The following RUSC2 variants were observed in gnomAD, a reference collection of about 807,000 sequenced individuals.
RUSC2 encodes the protein AP-4 complex accessory subunit RUSC2.
In RUSC2, 34 loss-of-function variants were observed where a neutral mutation model predicts 122.2. That is an observed-to-expected ratio of 0.28 (90% CI 0.21 to 0.37). RUSC2 has a LOEUF of 0.37. RUSC2 is among the 10% of genes least tolerant of loss of function. RUSC2 has a pLI of 1.00. For missense variants in RUSC2, 1,747 were observed against 1,952.4 expected, an observed-to-expected ratio of 0.89 and a Z score of 1.98; for synonymous variants, 784 against 790.0, an observed-to-expected ratio of 0.99 and a Z score of 0.13.
Position 35,548,593 on chromosome 9 carries a change from C to T in RUSC2, c.2014+58C>T. 3.3e-6 allele frequency: 5 copies of T among 1,512,678 alleles called. No individual in the cohort carries two copies. In the South Asian group the frequency reaches 5.2e-5, roughly 16 times the overall value. 93.7% of individuals were successfully genotyped at this position (1,512,678 alleles called of 1,614,324 possible). ...TATTCACCAGCAGGATATGCATGGC[C>T]ACCTCCCTGACAGGTCCCTGCCAGA... On this transcript the variant is annotated intron_variant, in intron 2 of 11. Coordinates refer to ENST00000361226, the MANE Select transcript of RUSC2 (RefSeq NM_014806.5). The surrounding 1 kb of genome is among the most constrained non-coding windows in gnomAD (Gnocchi z 4.5).
chr9:35,532,518 G>A lies in RUSC2; in HGVS notation c.-92-13912G>A, dbSNP rs142732261. The stretch of plus-strand genomic sequence containing the variant: ...TCAGCACTTTGCAAGGCCGAGGTGG[G>A]CAGATCACTTGAGCTCAGGAGTTCA... On this transcript the variant is annotated intron_variant, in intron 1 of 11. Transcript: ENST00000361226. 2.3e-3 allele frequency among the ~76,000 whole-genome samples: 355 copies of A among 152,318 alleles called. 1 individual carries two copies. The highest frequency in any genetic ancestry group is 8.4e-3 in the African/African-American group (351 of 41,562).
Position 35,560,458 on chromosome 9 carries a change from A to G in RUSC2, c.3818A>G (p.Gln1273Arg). 1 of 1,614,210 alleles carries G rather than the reference A, an allele frequency of 6.2e-7. No homozygotes were observed. Among genetic ancestry groups the G allele is most frequent in the Non-Finnish European group, 8.5e-7 (1 of 1,180,014 alleles). Residue 1273 changes from glutamine (Q) to arginine (R), a missense_variant, in exon 10 of 12, where the codon CAG (glutamine) becomes CGG (arginine). Transcript: ENST00000361226. Reference protein sequence around the residue: ...ARGGQAGWWYQLMQSSQVYID... With the variant: ...ARGGQAGWWYRLMQSSQVYID... ...GGTGGGCAGGCCGGCTGGTGGTACC[A>G]GCTCATGCAGAGCTCCCAGGTCTAC... is the stretch of plus-strand genomic sequence containing the variant.
At chr9:35,534,404 C>A (rs1409078509) in intron 1 of RUSC2, among the ~76,000 whole-genome samples, 1 of 144,006 alleles carries the variant, frequency 6.9e-6, no homozygotes, top group East Asian at 2.0e-4. Context: ...GTGAGACCCC[C>A]ATCTCTACAA....
In RUSC2 at chr9:35,558,241, G is replaced by C. The variant is rs771689916; in HGVS notation, c.3105G>C (p.Leu1035=). The change falls in exon 7 of 12, where the codon CTG becomes CTC. Residue 1035 remains leucine (L), a synonymous_variant. Transcript: ENST00000361226. This position sits in a 1 kb window ranked among gnomAD's most constrained non-coding sequence, Gnocchi z 4.3. ...CTGTGAGCCCCAATGTGGGCCACCT[G>C]GTTCTGAAGTACTTGTGCCCTGCCG... ...NSSVSPNVGH[L]VLKYLCPAVR... The C allele has an allele frequency of 6.2e-7, 1 of 1,614,048 alleles. No homozygotes were observed. Among genetic ancestry groups the C allele is most frequent in the Non-Finnish European group, 8.5e-7 (1 of 1,180,016 alleles).
chr9:35,518,251 G>A (rs947775053), intron 1 of RUSC2, among the ~76,000 whole-genome samples: 4 of 152,150 alleles, frequency 2.6e-5, no homozygotes, highest in East Asian at 1.9e-4. Flanking sequence ...TTAACATGTC[G>A]TGTCACTGAT....
chr9:35,490,973 G>C (rs1820555785), intron 1 of RUSC2, among the ~76,000 whole-genome samples: 1 of 152,074 alleles, frequency 6.6e-6, no homozygotes, highest in African/African-American at 2.4e-5. Context: ...TTCACTACCA[G>C]TTGTCCTTTG....
At chr9:35,503,181 G>A (rs1820848911) in intron 1 of RUSC2, among the ~76,000 whole-genome samples, 1 of 151,976 alleles carries the variant, frequency 6.6e-6, no homozygotes, top group South Asian at 2.1e-4. Context: ...CTTTAGTGGT[G>A]ACTTCTGAGA....
chr9:35,561,752 C>T lies in RUSC2; in HGVS notation c.*370C>T. 1.8e-6 allele frequency: 1 copy of T among 549,802 alleles called. No homozygotes were observed. Among genetic ancestry groups the T allele is most frequent in the Non-Finnish European group, 3.2e-6 (1 of 312,108 alleles). 34.1% of individuals were successfully genotyped at this position (549,802 alleles called of 1,614,324 possible). On this transcript the variant is annotated 3_prime_UTR_variant, in exon 12 of 12. Transcript: ENST00000361226. ...ATGAGGATGGGTAACAGTATTGGGG[C>T]CAGATCCCTAAGCCCCCCAGCTGTA... is the stretch of plus-strand genomic sequence containing the variant.
intron 1 of RUSC2, among the ~76,000 whole-genome samples, chr9:35,516,352 T>C (rs1821107195): frequency 6.6e-6 from 1 of 152,130 alleles, no homozygotes; most frequent in African/African-American, 2.4e-5. Context: ...CTATTGATAG[T>C]TTCCTTGCTA....
At chr9:35,520,271 C>T (rs1324747594) in intron 1 of RUSC2, among the ~76,000 whole-genome samples, 1 of 152,144 alleles carries the variant, frequency 6.6e-6, no homozygotes, top group Non-Finnish European at 1.5e-5. Context: ...ACCATGACTC[C>T]TCTGTAGAGA....
intron 1 of RUSC2, among the ~76,000 whole-genome samples, chr9:35,497,111 C>T (rs777914652): frequency 6.6e-5 from 10 of 152,276 alleles, no homozygotes; most frequent in African/African-American, 2.4e-4. Context: ...CCTGTCCTTC[C>T]CCTTAGAGAG....
intron 1 of RUSC2, among the ~76,000 whole-genome samples, chr9:35,529,528 T>C (rs1017177427): frequency 6.7e-6 from 1 of 150,004 alleles, no homozygotes; most frequent in Non-Finnish European, 1.5e-5. Flanking sequence ...ATTGACATAC[T>C]AGATGTGACA....
chr9:35,507,047 G>A (rs1366601057), intron 1 of RUSC2, among the ~76,000 whole-genome samples: 1 of 152,052 alleles, frequency 6.6e-6, no homozygotes, highest in Admixed American at 6.6e-5. Flanking sequence ...AGCCTAGGAG[G>A]GTGAGGCTGC....
At chr9:35,532,997 G>C (rs1372644254) in intron 1 of RUSC2, among the ~76,000 whole-genome samples, 1 of 152,076 alleles carries the variant, frequency 6.6e-6, no homozygotes, top group African/African-American at 2.4e-5. Flanking sequence ...TGTAATCCTA[G>C]CACTTTGGGA....
Position 35,555,332 on chromosome 9 carries a change from A to T in RUSC2, c.2287A>T (p.Arg763Trp). ...TCCCCGAGCCACTGGCAGAGGTGCC[A>T]GGAAAGCTGGGTCTGAGCCAGAGAC... Reference protein sequence around the residue: ...STPRATGRGARKAGSEPETSR... With the variant: ...STPRATGRGAWKAGSEPETSR... The change falls in exon 3 of 12, where the codon AGG becomes TGG. Residue 763 changes from arginine to tryptophan, a missense_variant. Coordinates refer to ENST00000361226, the MANE Select transcript of RUSC2 (RefSeq NM_014806.5). The surrounding 1 kb of genome is among the most constrained non-coding windows in gnomAD (Gnocchi z 4.6). 1.2e-6 allele frequency: 2 copies of T among 1,614,208 alleles called. No homozygotes were observed. The highest frequency in any genetic ancestry group is 2.2e-5 in the South Asian group (2 of 91,084).
chr9:35,559,610 C>T (rs897311068), intron 9 of RUSC2, among the ~76,000 whole-genome samples: 3 of 152,202 alleles, frequency 2.0e-5, no homozygotes, highest in Non-Finnish European at 4.4e-5. Context: ...TGGCGCATGC[C>T]TGTAGTCCCA....
rs527405807 is a variant in RUSC2 at position 35,520,803 on chromosome 9, G to A, written c.-92-25627G>A. The stretch of plus-strand genomic sequence containing the variant: ...CTGGGGCTTTCAGCATCCACCCCTC[G>A]TACACTGTCTCTGGTCTTGGTGGCT... On this transcript the variant is annotated intron_variant, in intron 1 of 11. Coordinates refer to ENST00000361226, the MANE Select transcript of RUSC2 (RefSeq NM_014806.5). 4.6e-5 allele frequency among the ~76,000 whole-genome samples: 7 copies of A among 152,150 alleles called. No individual in the cohort carries two copies. In the South Asian group the frequency reaches 8.3e-4, roughly 18 times the overall value.
chr9:35,506,448 T>C (rs1385563988), intron 1 of RUSC2, among the ~76,000 whole-genome samples: 1 of 152,242 alleles, frequency 6.6e-6, no homozygotes, highest in Non-Finnish European at 1.5e-5. Flanking sequence ...CCACTATGCA[T>C]TTCTGGTGCC....
intron 1 of RUSC2, among the ~76,000 whole-genome samples, chr9:35,537,795 T>C (rs1396772774): frequency 6.6e-6 from 1 of 152,214 alleles, no homozygotes; most frequent in Non-Finnish European, 1.5e-5. Flanking sequence ...GGAGGAACCC[T>C]AGGCAGGGCT....
Sources: gnomAD v4.1 joint callset for allele counts (sites outside exome capture counted in the v4.1 genomes callset) on GRCh38, gnomAD v4.1.1 for gene constraint, Gnocchi (gnomAD v3.1) non-coding constraint, MANE v1.5 for transcripts, NCBI Gene and HGNC (gene_info 2026-07-23, HGNC 2026-07-21) for gene names.